Variants in PDE4D observed in about 807,000 individuals in gnomAD.
PDE4D encodes 3',5'-cyclic-AMP phosphodiesterase 4D.
Under a neutral mutation model 87.4 loss-of-function variants are expected in PDE4D, and 24 were observed. The observed-to-expected ratio is 0.27, with a 90% CI of 0.20 to 0.39. The LOEUF (loss-of-function observed/expected upper bound fraction) is 0.39, where lower values mean the gene tolerates loss of function less well. PDE4D is among the 10% of genes least tolerant of loss of function. The pLI, the probability that PDE4D is intolerant of heterozygous loss-of-function variation, is 1.00. For missense variants in PDE4D, 714 were observed against 1,041.0 expected (o/e 0.69, Z 4.32); for synonymous variants, 384 against 383.2 (o/e 1.00, Z -0.02).
chr5:59,673,592 A>G (rs1004580089), intron 1 of PDE4D, among the ~76,000 whole-genome samples: 2 of 152,182 alleles, frequency 1.3e-5, no homozygotes, highest in Non-Finnish European at 2.9e-5. Flanking sequence ...TCAGAACTGC[A>G]CTTGCAAATT....
intron 5 of PDE4D, among the ~76,000 whole-genome samples, chr5:59,129,407 C>A (rs959722928): frequency 6.6e-6 from 1 of 151,974 alleles, no homozygotes; most frequent in African/African-American, 2.4e-5. Flanking sequence ...CCAGCAAAGA[C>A]GTGTTTTTAA....
At chr5:60,442,329 C>T (rs1258004042) in intron 1 of PDE4D, among the ~76,000 whole-genome samples, 1 of 152,016 alleles carries the variant, frequency 6.6e-6, no homozygotes, top group Non-Finnish European at 1.5e-5. Context: ...TCTCAACAAA[C>T]TAACATAAGA....
At position 59,940,916 on chromosome 5, in the gene PDE4D, C is replaced by T. The variant is rs952959213; in HGVS notation, c.272+47572G>A. 3.9e-4 allele frequency among the ~76,000 whole-genome samples: 53 copies of T among 135,618 alleles called. 1 individual carries two copies. Among genetic ancestry groups the T allele is most frequent in the Admixed American group, 3.6e-3 (53 of 14,656 alleles). 89.0% of individuals were successfully genotyped at this position (135,618 alleles called of 152,430 possible). On this transcript the variant is annotated intron_variant, in intron 3 of 16. Transcript: ENST00000502484. ...CTCTATTAAATCCAACATCTGGGTC[C>T]CTCTCACCCATAGTTTCTGCCATCT...
chr5:59,754,108 T>C (rs1490365163), intron 1 of PDE4D, among the ~76,000 whole-genome samples: 5 of 152,110 alleles, frequency 3.3e-5, no homozygotes, highest in Admixed American at 2.6e-4. Context: ...GACAGGCAGA[T>C]CTCTTGAGGT....
intron 1 of PDE4D, among the ~76,000 whole-genome samples, chr5:59,669,682 G>A (rs1002751877): frequency 1.3e-5 from 2 of 152,032 alleles, no homozygotes; most frequent in African/African-American, 4.8e-5. Flanking sequence ...TACTTCATGG[G>A]AGACCACAGT....
At chr5:60,414,246 T>C (rs1233963326) in intron 1 of PDE4D, among the ~76,000 whole-genome samples, 1 of 152,244 alleles carries the variant, frequency 6.6e-6, no homozygotes, top group Non-Finnish European at 1.5e-5. Context: ...ACATTGTTTT[T>C]ATATTCTTTA....
intron 2 of PDE4D, among the ~76,000 whole-genome samples, chr5:60,011,164 G>A (rs1265903147): frequency 6.6e-6 from 1 of 152,090 alleles, no homozygotes; most frequent in Non-Finnish European, 1.5e-5. Flanking sequence ...CAGAAAAGAT[G>A]TCATTTTTCA....
intron 2 of PDE4D, among the ~76,000 whole-genome samples, chr5:59,197,189 A>G (rs1745640218): frequency 6.6e-6 from 1 of 152,168 alleles, no homozygotes; most frequent in Non-Finnish European, 1.5e-5. Flanking sequence ...TCAAAACTCA[A>G]AAGGGTTGCA....
intron 1 of PDE4D, among the ~76,000 whole-genome samples, chr5:59,333,699 G>T (rs1282247249): frequency 1.3e-5 from 2 of 152,158 alleles, no homozygotes; most frequent in Non-Finnish European, 2.9e-5. Context: ...TTTATGGAGA[G>T]ATTTTGATTC....
intron 2 of PDE4D, among the ~76,000 whole-genome samples, chr5:60,179,567 A>C (rs1784213029): frequency 6.6e-6 from 1 of 152,050 alleles, no homozygotes; most frequent in Non-Finnish European, 1.5e-5. Context: ...AAGCTATTGG[A>C]AGCATTTGAT....
chr5:60,308,632 G>A (rs369855519), intron 1 of PDE4D, among the ~76,000 whole-genome samples: 1 of 152,186 alleles, frequency 6.6e-6, no homozygotes, highest in East Asian at 1.9e-4. Context: ...TTTGATCAAA[G>A]TGCACTTTAG....
At chr5:59,447,702 A>G (rs1798546828) in intron 1 of PDE4D, among the ~76,000 whole-genome samples, 1 of 152,234 alleles carries the variant, frequency 6.6e-6, no homozygotes, top group South Asian at 2.1e-4. Context: ...AAAGAATCTG[A>G]TTGTGTTATT....
chr5:59,325,940 A>C (rs533958628), intron 1 of PDE4D, among the ~76,000 whole-genome samples: 2 of 152,300 alleles, frequency 1.3e-5, no homozygotes, highest in South Asian at 4.1e-4. Context: ...TGCAGCCATA[A>C]AAAATGATGA....
chr5:58,993,539 T>C lies in PDE4D; in HGVS notation c.922-74A>G, dbSNP rs993638556. 12 of 873,774 alleles carry C rather than the reference T, an allele frequency of 1.4e-5. No homozygotes were observed. The East Asian group carries it at 1.6e-4, about 12-fold the overall frequency. The allele number at this position is 873,774 out of a possible 1,614,324, so 54.1% of individuals were successfully genotyped here. On this transcript the variant is annotated intron_variant, in intron 6 of 14. Coordinates refer to ENST00000340635, the MANE Select transcript of PDE4D (RefSeq NM_001104631.2). The stretch of plus-strand genomic sequence containing the variant: ...TGAAATATATATGCATACTCTGAGA[T>C]ACAGGAAGATATGCCCAAAGAATTT...
At chr5:59,478,185 T>G (rs1803647960) in intron 1 of PDE4D, among the ~76,000 whole-genome samples, 1 of 152,018 alleles carries the variant, frequency 6.6e-6, no homozygotes, top group Admixed American at 6.6e-5. Context: ...GCCCCCTGTA[T>G]CTAAAATAAA....
chr5:59,682,474 T>C (rs562989324), intron 1 of PDE4D, among the ~76,000 whole-genome samples: 9 of 152,328 alleles, frequency 5.9e-5, no homozygotes, highest in African/African-American at 1.7e-4. Flanking sequence ...AATTGAAAGA[T>C]AGTCTATGCT....
chr5:59,926,642 C>A (rs113532814), intron 3 of PDE4D, among the ~76,000 whole-genome samples: 428 of 152,072 alleles, frequency 2.8e-3, no homozygotes, highest in African/African-American at 9.8e-3. Context: ...TCTAACATAG[C>A]ATCTTAATAA....
chr5:59,968,858 T>C (rs1222885587), intron 3 of PDE4D, among the ~76,000 whole-genome samples: 2 of 152,054 alleles, frequency 1.3e-5, no homozygotes, highest in African/African-American at 2.4e-5. Context: ...ATATAACATA[T>C]CCAGTGTTTA....
At chr5:59,688,327 C>G (rs1296625936) in intron 1 of PDE4D, among the ~76,000 whole-genome samples, 1 of 152,180 alleles carries the variant, frequency 6.6e-6, no homozygotes, top group Non-Finnish European at 1.5e-5. Context: ...AAGTAAAGCA[C>G]TCCTCAGCAA....
Sources: gnomAD v4.1 joint callset for allele counts (sites outside exome capture counted in the v4.1 genomes callset) on GRCh38, gnomAD v4.1.1 for gene constraint, MANE v1.5 for transcripts, NCBI Gene and HGNC (gene_info 2026-07-23, HGNC 2026-07-21) for gene names.